CMTM7: variants seen among roughly 807,000 people sequenced by gnomAD.
CMTM7 encodes CKLF like MARVEL transmembrane domain containing 7.
Under a neutral mutation model 19.3 loss-of-function variants are expected in CMTM7, and 7 were observed. The ratio of observed to expected loss-of-function variants is 0.36; its 90% CI spans 0.21 to 0.68. CMTM7 has a LOEUF of 0.68. Among genes scored for constraint, CMTM7 ranks in the 30% least tolerant of loss-of-function variants. The probability of loss-of-function intolerance (pLI) is 0.60; values close to 1 mark genes in which losing one functional copy is unlikely to be tolerated. For missense variants in CMTM7, 193 were observed against 232.6 expected (o/e 0.83, Z 1.11); for synonymous variants, 87 against 99.3 (o/e 0.88, Z 0.74).
intron 3 of CMTM7, among the ~76,000 whole-genome samples, chr3:32,450,531 G>A (rs1696814388): frequency 6.6e-6 from 1 of 152,198 alleles, no homozygotes; most frequent in Non-Finnish European, 1.5e-5. Flanking sequence ...GAGGGATGGA[G>A]TCTCTCCTCT....
chr3:32,437,868 C>T (rs1388784380), intron 1 of CMTM7, among the ~76,000 whole-genome samples: 1 of 151,884 alleles, frequency 6.6e-6, no homozygotes, highest in African/African-American at 2.4e-5. Flanking sequence ...TCCTGCCTAG[C>T]GACAGAGTGA....
At chr3:32,432,459 G>A (rs1696533983) in intron 1 of CMTM7, among the ~76,000 whole-genome samples, 1 of 152,190 alleles carries the variant, frequency 6.6e-6, no homozygotes, top group South Asian at 2.1e-4. Context: ...TCAATAACCA[G>A]TGGTGAGGCT....
chr3:32,438,621 A>G (rs1003944658), intron 1 of CMTM7, among the ~76,000 whole-genome samples: 3 of 152,236 alleles, frequency 2.0e-5, no homozygotes, highest in Non-Finnish European at 1.5e-5. Context: ...TAGATTTTCT[A>G]AAATTGGGCT....
intron 1 of CMTM7, among the ~76,000 whole-genome samples, chr3:32,412,683 G>C (rs931407464): frequency 6.6e-6 from 1 of 151,570 alleles, no homozygotes; most frequent in Non-Finnish European, 1.5e-5. Flanking sequence ...AATTAAATCT[G>C]AAAGTTATTT....
intron 2 of CMTM7, among the ~76,000 whole-genome samples, chr3:32,446,914 G>A (rs753983573): frequency 1.3e-5 from 2 of 152,158 alleles, no homozygotes; most frequent in Non-Finnish European, 2.9e-5. Flanking sequence ...ACAGAACCAT[G>A]AGGCAAATAA....
intron 1 of CMTM7, among the ~76,000 whole-genome samples, chr3:32,412,034 G>A (rs1051940342): frequency 4.6e-5 from 7 of 152,190 alleles, no homozygotes; most frequent in African/African-American, 1.7e-4. Flanking sequence ...CATAAAGTAG[G>A]CTTTTTGGTA....
chr3:32,416,622 C>T (rs1696271244), intron 1 of CMTM7, among the ~76,000 whole-genome samples: 1 of 151,698 alleles, frequency 6.6e-6, no homozygotes, highest in South Asian at 2.1e-4. Context: ...GATCTCCTGA[C>T]CTCATGATCC....
rs1485390393 is a variant in CMTM7 at position 32,450,630 on chromosome 3, A to G, written c.432+1078A>G. On this transcript the variant is annotated intron_variant, in intron 3 of 4. Transcript: ENST00000334983. ...CCACATGGCCCTCCCACAGCCCACC[A>G]TCACACCTCTCTGCCCCCTCTCTCT... 5.9e-5 allele frequency among the ~76,000 whole-genome samples: 9 copies of G among 152,174 alleles called. No individual in the cohort carries two copies. The South Asian group carries it at 1.5e-3, about 25-fold the overall frequency.
At chr3:32,451,380 G>C (rs543060861) in intron 3 of CMTM7, 3 of 152,514 alleles carry the variant, frequency 2.0e-5, no homozygotes, top group Non-Finnish European at 4.4e-5. Flanking sequence ...GTACTGCAGA[G>C]TGCGGACTCT....
chr3:32,395,039 C>CG (rs1450130094), intron 1 of CMTM7, among the ~76,000 whole-genome samples: 1 of 151,542 alleles, frequency 6.6e-6, no homozygotes, highest in Admixed American at 6.6e-5. Context: ...GGGTCTTGCT[C>CG]TGTCACCCAG....
At chr3:32,401,319 T>TA (rs1222867737) in intron 1 of CMTM7, among the ~76,000 whole-genome samples, 1 of 152,182 alleles carries the variant, frequency 6.6e-6, no homozygotes, top group African/African-American at 2.4e-5. Context: ...AATAACCACT[T>TA]ACAGCCCGAC....
intron 1 of CMTM7, among the ~76,000 whole-genome samples, chr3:32,438,982 T>C (rs1286999433): frequency 6.6e-6 from 1 of 152,248 alleles, no homozygotes; most frequent in Non-Finnish European, 1.5e-5. Flanking sequence ...ATCTGCATTT[T>C]CAGTCATGCC....
chr3:32,452,919 A>ATTTTTTTTTTTTTT, intron 4 of CMTM7, among the ~76,000 whole-genome samples: 1 of 35,320 alleles, frequency 2.8e-5, no homozygotes, highest in South Asian at 1.6e-3. Flanking sequence ...CCTAATTTCA[A>ATTTTTTTTTTTTTT]TTTTTTTTTT....
At chr3:32,419,855 TC>T (rs1210418908) in intron 1 of CMTM7, among the ~76,000 whole-genome samples, 5 of 152,218 alleles carry the variant, frequency 3.3e-5, no homozygotes, top group African/African-American at 1.2e-4. Context: ...TTTGCGTCCT[TC>T]CTTTTGAGAT....
chr3:32,437,678 G>A (rs536563847), intron 1 of CMTM7, among the ~76,000 whole-genome samples: 1 of 152,110 alleles, frequency 6.6e-6, no homozygotes, highest in South Asian at 2.1e-4. Context: ...AGATCGCAAG[G>A]TCAGGAGATC....
rs533079771 is a variant in CMTM7, at chr3:32,410,520, G to T, written c.159+18455G>T. ...ACACCTGCTGAGGGAGGGGGCTGGG[G>T]TGTGGGCCCAGCAGTGGAAAGAGCC... On this transcript the variant is annotated intron_variant, in intron 1 of 4. Coordinates refer to ENST00000334983, the MANE Select transcript of CMTM7 (RefSeq NM_138410.4). Among the ~76,000 whole-genome samples, 20 of 152,350 alleles carry T rather than the reference G, an allele frequency of 1.3e-4. No individual in the cohort carries two copies. In the South Asian group the frequency reaches 2.9e-3, roughly 22 times the overall value.
intron 1 of CMTM7, among the ~76,000 whole-genome samples, chr3:32,430,109 T>C (rs1217237384): frequency 1.3e-5 from 2 of 152,182 alleles, no homozygotes; most frequent in African/African-American, 4.8e-5. Flanking sequence ...GTCGTTCTTT[T>C]TAAGTGTGTG....
intron 1 of CMTM7, among the ~76,000 whole-genome samples, chr3:32,425,259 C>T (rs1334440300): frequency 2.6e-5 from 4 of 152,104 alleles, no homozygotes; most frequent in South Asian, 2.1e-4. Flanking sequence ...GGTATTATTT[C>T]GGCTCCTTAT....
intron 1 of CMTM7, among the ~76,000 whole-genome samples, chr3:32,396,852 A>G (rs1235722930): frequency 6.6e-6 from 1 of 152,234 alleles, no homozygotes. Context: ...GAAGGGGTCT[A>G]GATATCCTTG....
Sources: allele counts gnomAD v4.1 joint callset (sites outside exome capture counted in the v4.1 genomes callset), GRCh38; gene constraint gnomAD v4.1.1; transcripts MANE v1.5; gene names NCBI Gene and HGNC (gene_info 2026-07-23, HGNC 2026-07-21).